The following HSPG2 variants were observed in gnomAD, a reference collection of about 807,000 sequenced individuals.
The protein encoded by HSPG2 is heparan sulfate proteoglycan 2, also known as basement membrane-specific heparan sulfate proteoglycan core protein.
Under a neutral mutation model 526.6 loss-of-function variants are expected in HSPG2, and 278 were observed. That is an observed-to-expected ratio of 0.53 (90% CI 0.48 to 0.58). HSPG2 has a LOEUF of 0.58. Among genes scored for constraint, HSPG2 ranks in the 20% least tolerant of loss-of-function variants. The pLI is 0.00. For missense variants in HSPG2, 5,354 were observed against 6,099.5 expected, an observed-to-expected ratio of 0.88 and a Z score of 4.07; for synonymous variants, 2,465 against 2,555.4, an observed-to-expected ratio of 0.96 and a Z score of 1.07.
In HSPG2 at chr1:21,846,219, G is replaced by C. The variant is rs1259613461; in HGVS notation, c.8353C>G (p.Pro2785Ala). 5.6e-6 allele frequency: 9 copies of C among 1,612,910 alleles called. No homozygotes were observed. Among genetic ancestry groups the C allele is most frequent in the Non-Finnish European group, 7.6e-6 (9 of 1,180,004 alleles). The part of the protein sequence containing the change: ...GSRLRLHHVS[P>A]ADSGEYVCRV... ...CACACGTATTCACCCGAGTCGGCCG[G>C]GGACACATGGTGCAGCCGCAGCCGT... is the stretch of plus-strand genomic sequence containing the variant. Residue 2785 changes from proline (P) to alanine (A), a missense_variant, in exon 64 of 97, where the codon CCG (proline) becomes GCG (alanine). Coordinates refer to ENST00000374695, the MANE Select transcript of HSPG2 (RefSeq NM_005529.7).
At chr1:21,889,122 G>A (rs1237693667) in intron 6 of HSPG2, among the ~76,000 whole-genome samples, 1 of 152,124 alleles carries the variant, frequency 6.6e-6, no homozygotes, top group Non-Finnish European at 1.5e-5. Flanking sequence ...GGAGGTGATG[G>A]TTTCACTGTC....
intron 1 of HSPG2, among the ~76,000 whole-genome samples, chr1:21,931,503 A>G (rs7528556): frequency 0.99 from 150,663 of 152,288 alleles, 74,551 homozygotes; most frequent in East Asian, 1. Flanking sequence ...GCCCTGGGAC[A>G]GGGAGAGGTA....
In HSPG2 at chr1:21,874,688, G is replaced by C. The variant is rs888647994; in HGVS notation, c.3456C>G (p.Tyr1152Ter). 1 of 1,611,140 alleles carries C rather than the reference G, an allele frequency of 6.2e-7. No individual in the cohort carries two copies. Among genetic ancestry groups the C allele is most frequent in the African/African-American group, 1.3e-5 (1 of 74,866 alleles). The change falls in exon 27 of 97, where the codon TAC becomes TAG. Residue 1152 changes from tyrosine to a stop codon, truncating the protein, a stop_gained. Coordinates refer to ENST00000374695, the MANE Select transcript of HSPG2 (RefSeq NM_005529.7). LOFTEE classifies it high-confidence loss of function. ...AGCTGCAGCGTTCACAGGTACCCAG[G>C]TAGAGGCCACTGGGCGTGCGTGTGT... is the stretch of plus-strand genomic sequence containing the variant. ...TGYTRTPSGL[Y>*]LGTCERCSCH...
chr1:21,870,707 C>T, intron 33 of HSPG2: 1 of 451,872 alleles, frequency 2.2e-6, no homozygotes, highest in Non-Finnish European at 2.9e-6. Flanking sequence ...TCATGGGACA[C>T]CGCCTGGATT....
Position 21,876,024 on chromosome 1 carries a change from C to G in HSPG2, c.3022G>C (p.Glu1008Gln), listed in dbSNP as rs1248576394. The change falls in exon 24 of 97, where the codon GAG becomes CAG. Residue 1008 changes from glutamate (E) to glutamine (Q), a missense_variant. Physicochemically the swap from Glu to Gln is conservative, Grantham distance 29 (BLOSUM62 2). Transcript: ENST00000374695. Reference protein sequence around the residue: ...LGDKVTSYGGELRFTVTQRSQ... With the variant: ...LGDKVTSYGGQLRFTVTQRSQ... The stretch of plus-strand genomic sequence containing the variant: ...CTCTGGGTCACTGTGAAGCGCAGCT[C>G]TCCTCCATAGGAGGTCACCTGGGAC... 1 of 1,614,034 alleles carries G rather than the reference C, an allele frequency of 6.2e-7. No individual in the cohort carries two copies. Among genetic ancestry groups the G allele is most frequent in the South Asian group, 1.1e-5 (1 of 91,082 alleles).
At chr1:21,885,219 C>G (rs1384469880) in intron 10 of HSPG2, 62 bp from the exon 11 acceptor site, 4 of 1,601,356 alleles carry the variant, frequency 2.5e-6, no homozygotes, top group African/African-American at 1.3e-5. Context: ...GGAAGGAGGG[C>G]TCCGAGGGGC....
chr1:21,863,734 T>A (rs1640009047), intron 37 of HSPG2, among the ~76,000 whole-genome samples: 1 of 149,250 alleles, frequency 6.7e-6, no homozygotes, highest in South Asian at 2.1e-4. Flanking sequence ...AGGCCAGGTG[T>A]GGTGGCTCAC....
intron 21 of HSPG2, among the ~76,000 whole-genome samples, chr1:21,876,873 A>C (rs1299086141): frequency 6.6e-6 from 1 of 152,194 alleles, no homozygotes; most frequent in Non-Finnish European, 1.5e-5. Flanking sequence ...AGCCTGGCCA[A>C]CATGGCAAAA....
Position 21,875,710 on chromosome 1 carries a change from C to T in HSPG2, c.3221G>A (p.Arg1074Gln), listed in dbSNP as rs758273615. Residue 1074 changes from arginine (R) to glutamine (Q), a missense_variant, in exon 25 of 97, where the codon CGG becomes CAG. Coordinates refer to ENST00000374695, the MANE Select transcript of HSPG2 (RefSeq NM_005529.7). ...TGCCAGTGCCATCAGCAGGTGCTCC[C>T]GTGTGGCTGGCTGCCCATCGGGCCG... ...WQRPDGQPAT[R>Q]EHLLMALAGI... is the part of the protein sequence containing the mutation. 2.5e-6 allele frequency: 4 copies of T among 1,604,774 alleles called. No individual in the cohort carries two copies. Among genetic ancestry groups the T allele is most frequent in the African/African-American group, 2.7e-5 (2 of 74,922 alleles).
chr1:21,898,178 T>C lies in HSPG2; in HGVS notation c.64-1868A>G, dbSNP rs1242038356. Among the ~76,000 whole-genome samples the C allele has an allele frequency of 6.6e-6, 1 of 152,226 alleles. No homozygotes were observed. The highest frequency in any genetic ancestry group is 1.5e-5 in the Non-Finnish European group (1 of 68,032). Reference sequence around the variant, plus strand: ...GCACTACCTACCTCTGTGCAATCTATAAGCATCTCCTGTCCTAGGCTGTGA... The same window carrying C: ...GCACTACCTACCTCTGTGCAATCTACAAGCATCTCCTGTCCTAGGCTGTGA... On this transcript the variant is annotated intron_variant, in intron 1 of 96. Transcript: ENST00000374695. The surrounding 1 kb of genome is among the most constrained non-coding windows in gnomAD (Gnocchi z 4.0).
chr1:21,841,795 C>A, intron 69 of HSPG2, 122 bp from the exon 70 acceptor site: 1 of 1,372,076 alleles, frequency 7.3e-7, no homozygotes, highest in East Asian at 2.3e-5. Flanking sequence ...GTGTCTAGCT[C>A]ATGGAGTCGC....
Position 21,865,845 on chromosome 1 carries a change from CTTGGGGT to C in HSPG2, c.4222-43_4222-37del. 6.5e-7 allele frequency: 1 copy of C among 1,540,798 alleles called. No homozygotes were observed. Among genetic ancestry groups the C allele is most frequent in the Non-Finnish European group, 9.0e-7 (1 of 1,114,380 alleles). On this transcript the variant is annotated intron_variant, in intron 33 of 96. Transcript: ENST00000374695. The surrounding 1 kb of genome is among the most constrained non-coding windows in gnomAD (Gnocchi z 5.4). Reference sequence around the variant, plus strand: ...GCAAGCCCAGAGGTCACAGGCTGACCTTGGGGTGTGAGTGTTGGACCATATAGGTGAG... The same window carrying C: ...GCAAGCCCAGAGGTCACAGGCTGACCGTGAGTGTTGGACCATATAGGTGAG...
rs757620273 is a variant in HSPG2, at chr1:21,874,888, C to T, written c.3414+3G>A. The T allele has an allele frequency of 1.2e-6, 2 of 1,608,586 alleles. No homozygotes were observed. Among genetic ancestry groups the T allele is most frequent in the South Asian group, 1.1e-5 (1 of 90,430 alleles). ...CTGGGCTGGCGTGGGGCCCAGGACT[C>T]ACCTGGCAGGACGGCCCACGGTACC... On this transcript the variant is annotated splice_donor_region_variant and intron_variant, in intron 26 of 96. Coordinates refer to ENST00000374695, the MANE Select transcript of HSPG2 (RefSeq NM_005529.7).
At chr1:21,843,274 G>A (rs527851700) in intron 66 of HSPG2, 23 bp downstream of exon 66, 14 of 1,613,554 alleles carry the variant, frequency 8.7e-6, no homozygotes, top group East Asian at 6.7e-5. Context: ...CTCTGGCATC[G>A]CCCACTGCTC....
intron 82 of HSPG2, 37 bp from the exon 83 acceptor site, chr1:21,831,599 C>G (rs1409366311): frequency 1.2e-6 from 2 of 1,613,834 alleles, no homozygotes; most frequent in South Asian, 2.2e-5. Context: ...GCAACAGAGG[C>G]TGGGCAAGGG....
chr1:21,908,468 C>T, intron 1 of HSPG2: 1 of 845,358 alleles, frequency 1.2e-6, no homozygotes, highest in South Asian at 1.3e-5. Context: ...GAGAAAGGTA[C>T]CTGGGTTCAA....
At chr1:21,891,408 C>G (rs544502876) in intron 3 of HSPG2, among the ~76,000 whole-genome samples, 1 of 152,316 alleles carries the variant, frequency 6.6e-6, no homozygotes, top group Non-Finnish European at 1.5e-5. Flanking sequence ...GATGCATCAC[C>G]TGGCACACAG....
intron 90 of HSPG2, 46 bp downstream of exon 90, chr1:21,827,984 G>C (rs777793689): frequency 1.2e-6 from 2 of 1,612,652 alleles, no homozygotes; most frequent in Admixed American, 3.3e-5. Context: ...TCGAGCTCCG[G>C]GGCCCCAAGA....
chr1:21,839,690 G>A lies in HSPG2; in HGVS notation c.9709+132C>T. 7.3e-7 allele frequency: 1 copy of A among 1,367,868 alleles called. No individual in the cohort carries two copies. Among genetic ancestry groups the A allele is most frequent in the South Asian group, 1.2e-5 (1 of 81,670 alleles). The allele number at this position is 1,367,868 out of a possible 1,614,324, so 84.7% of individuals were successfully genotyped here. ...TTGGGTTCCTCGGCCATCACTGGGGGATGCTAGCAACACGGTCTCCCCGTA... is the reference window on the plus strand; with the variant it reads ...TTGGGTTCCTCGGCCATCACTGGGGAATGCTAGCAACACGGTCTCCCCGTA... On this transcript the variant is annotated intron_variant, in intron 72 of 96. Transcript: ENST00000374695. This position sits in a 1 kb window ranked among gnomAD's most constrained non-coding sequence, Gnocchi z 4.5.
Sources: allele counts gnomAD v4.1 joint callset (sites outside exome capture counted in the v4.1 genomes callset), GRCh38; gene constraint gnomAD v4.1.1; non-coding constraint Gnocchi (gnomAD v3.1); transcripts MANE v1.5; gene names NCBI Gene and HGNC (gene_info 2026-07-23, HGNC 2026-07-21).